The following ESR2 variants were observed in gnomAD, a reference collection of about 807,000 sequenced individuals.
ESR2 encodes the protein estrogen receptor beta.
Under a neutral mutation model 49.6 loss-of-function variants are expected in ESR2, and 36 were observed. The observed-to-expected ratio is 0.73, with a 90% CI of 0.56 to 0.96. The LOEUF (loss-of-function observed/expected upper bound fraction) is 0.96, where lower values mean the gene tolerates loss of function less well. Among genes scored for constraint, ESR2 ranks in the 40% least tolerant of loss-of-function variants. The pLI is 0.00. For missense variants in ESR2, 714 were observed against 693.0 expected (o/e 1.03, Z -0.34); for synonymous variants, 320 against 266.1 (o/e 1.20, Z -1.97).
At position 64,249,729 on chromosome 14, in the gene ESR2, C is replaced by A. The variant is rs1567742615; in HGVS notation, c.1092-50G>T. On this transcript the variant is annotated intron_variant, in intron 6 of 8. Coordinates refer to ENST00000341099, the MANE Select transcript of ESR2 (RefSeq NM_001437.3). The stretch of plus-strand genomic sequence containing the variant: ...AAGGAACATAGCTTCAGGAAACCAT[C>A]AAAAAAACAATAAGGAATGTTTTAT... The A allele has an allele frequency of 7.1e-6, 11 of 1,543,830 alleles. No individual in the cohort carries two copies. In the Admixed American group the frequency reaches 1.0e-4, roughly 14 times the overall value.
intron 5 of ESR2, among the ~76,000 whole-genome samples, chr14:64,259,774 C>A (rs983226022): frequency 3.9e-5 from 6 of 152,256 alleles, no homozygotes; most frequent in African/African-American, 1.4e-4. Flanking sequence ...CATACATATT[C>A]ATTTATGTAC....
At chr14:64,296,837 G>A (rs975340945), upstream of ESR2, among the ~76,000 whole-genome samples, 9 of 152,270 alleles carry the variant, frequency 5.9e-5, no homozygotes, top group African/African-American at 2.2e-4. Flanking sequence ...AAAATGAATG[G>A]GAGTGAGTAA....
chr14:64,233,090 G>C lies in ESR2; in HGVS notation c.*47C>G. 6.3e-7 allele frequency: 1 copy of C among 1,586,274 alleles called. No homozygotes were observed. Among genetic ancestry groups the C allele is most frequent in the South Asian group, 1.1e-5 (1 of 88,448 alleles). ...AGGCTCCTGACACACTGGAGTTCACGCTTCAGCCTGTGACCTCTGTGGGCC... is the reference window on the plus strand; with the variant it reads ...AGGCTCCTGACACACTGGAGTTCACCCTTCAGCCTGTGACCTCTGTGGGCC... On this transcript the variant is annotated 3_prime_UTR_variant, in exon 9 of 9. Coordinates refer to ENST00000341099, the MANE Select transcript of ESR2 (RefSeq NM_001437.3).
chr14:64,289,624 T>G (rs2076839769), intron 1 of ESR2, among the ~76,000 whole-genome samples: 1 of 152,168 alleles, frequency 6.6e-6, no homozygotes, highest in Non-Finnish European at 1.5e-5. Context: ...GGATACACAT[T>G]TAGTGTTGGT....
chr14:64,239,261 G>A (rs1344173483), intron 7 of ESR2, among the ~76,000 whole-genome samples: 1 of 152,136 alleles, frequency 6.6e-6, no homozygotes, highest in Non-Finnish European at 1.5e-5. Context: ...TTGGTCAACA[G>A]AAAAGGACCC....
At chr14:64,245,896 C>A (rs1170272988) in intron 7 of ESR2, among the ~76,000 whole-genome samples, 1 of 152,212 alleles carries the variant, frequency 6.6e-6, no homozygotes, top group African/African-American at 2.4e-5. Context: ...CATCATCTGG[C>A]ATTTGATGAT....
chr14:64,316,752 T>G (rs3020446), intron 1 of ESR2, among the ~76,000 whole-genome samples: 54,701 of 151,940 alleles, frequency 0.36, 10,548 homozygotes, highest in African/African-American at 0.49. Flanking sequence ...GAAGTTACAG[T>G]GAGCCCAGAT....
intron 7 of ESR2, among the ~76,000 whole-genome samples, chr14:64,237,688 G>A (rs1467042829): frequency 1.3e-5 from 2 of 152,196 alleles, no homozygotes; most frequent in Admixed American, 6.5e-5. Flanking sequence ...TCCATACAGT[G>A]GAATAGTATT....
intron 1 of ESR2, among the ~76,000 whole-genome samples, chr14:64,288,596 C>T (rs1291556861): frequency 6.6e-6 from 1 of 151,988 alleles, no homozygotes; most frequent in East Asian, 1.9e-4. Context: ...GACCCGCCCG[C>T]CTTGGGCTCC....
intron 4 of ESR2, among the ~76,000 whole-genome samples, chr14:64,264,477 AT>A (rs34478884): frequency 0.23 from 35,329 of 152,084 alleles, 5,941 homozygotes; most frequent in East Asian, 0.46. Context: ...AATTTTTTTA[AT>A]ATACTTTAGG....
At chr14:64,242,497 G>A (rs2075754707) in intron 7 of ESR2, among the ~76,000 whole-genome samples, 1 of 149,728 alleles carries the variant, frequency 6.7e-6, no homozygotes, top group South Asian at 2.1e-4. Flanking sequence ...TTATTATTCT[G>A]TTAATATGAA....
At chr14:64,310,778 G>C in intron 1 of ESR2, among the ~76,000 whole-genome samples, 1 of 152,136 alleles carries the variant, frequency 6.6e-6, no homozygotes, top group South Asian at 2.1e-4. Context: ...GAACTTTTAC[G>C]TACAGTACTT....
chr14:64,272,401 T>G (rs2076468268), intron 3 of ESR2, among the ~76,000 whole-genome samples: 1 of 152,364 alleles, frequency 6.6e-6, no homozygotes, highest in African/African-American at 2.4e-5. Flanking sequence ...TAACTTGATG[T>G]GATTCCATTT....
At chr14:64,250,928 C>A (rs2075973772) in intron 6 of ESR2, among the ~76,000 whole-genome samples, 1 of 152,156 alleles carries the variant, frequency 6.6e-6, no homozygotes, top group Non-Finnish European at 1.5e-5. Flanking sequence ...GGTATATGAG[C>A]ATTACTGAGT....
chr14:64,299,573 A>G (rs568908660), intron 1 of ESR2, among the ~76,000 whole-genome samples: 49 of 152,266 alleles, frequency 3.2e-4, no homozygotes, highest in South Asian at 1.0e-3. Flanking sequence ...CGTGGTAGCC[A>G]GGATGGTCTC....
At chr14:64,299,641 C>T (rs559793602) in intron 1 of ESR2, among the ~76,000 whole-genome samples, 2 of 152,114 alleles carry the variant, frequency 1.3e-5, no homozygotes, top group Non-Finnish European at 2.9e-5. Flanking sequence ...GGATTACAGG[C>T]GTCAGCCACC....
At chr14:64,293,023 G>A (rs558231405) in intron 1 of ESR2, among the ~76,000 whole-genome samples, 2 of 152,294 alleles carry the variant, frequency 1.3e-5, no homozygotes, top group African/African-American at 4.8e-5. Flanking sequence ...ATGCTTGAAC[G>A]TAAAATGCAA....
At chr14:64,238,726 A>G (rs577506766) in intron 7 of ESR2, among the ~76,000 whole-genome samples, 12 of 151,742 alleles carry the variant, frequency 7.9e-5, no homozygotes, top group African/African-American at 2.7e-4. Context: ...AAATTAAATT[A>G]CTTTTGATGA....
intron 7 of ESR2, among the ~76,000 whole-genome samples, chr14:64,243,556 G>A (rs564183844): frequency 2.6e-4 from 40 of 152,298 alleles, no homozygotes; most frequent in African/African-American, 7.5e-4. Context: ...GCTTTGTGCT[G>A]GGATGCAGTT....
Sources: allele counts gnomAD v4.1 joint callset (sites outside exome capture counted in the v4.1 genomes callset), GRCh38; gene constraint gnomAD v4.1.1; transcripts MANE v1.5; gene names NCBI Gene and HGNC (gene_info 2026-07-23, HGNC 2026-07-21).